Variants in AGBL1 observed in about 807,000 individuals in gnomAD.
The protein encoded by AGBL1 is cytosolic carboxypeptidase 4.
A neutral mutation model predicts 118.9 loss-of-function variants in AGBL1; 130 were observed. The observed-to-expected ratio is 1.09, with a 90% confidence interval of 0.95 to 1.26. The LOEUF (loss-of-function observed/expected upper bound fraction) is 1.26. Among genes scored for constraint, AGBL1 ranks in the 50% most tolerant of loss-of-function variants. The pLI, the probability that AGBL1 is intolerant of heterozygous loss-of-function variation, is 0.00. For missense variants in AGBL1, 1,584 were observed against 1,298.1 expected (o/e 1.22, Z -3.38); for synonymous variants, 555 against 478.9 (o/e 1.16, Z -2.08).
chr15:86,178,749 C>T (rs772554786), intron 5 of AGBL1, among the ~76,000 whole-genome samples: 6 of 152,198 alleles, frequency 3.9e-5, no homozygotes, highest in Non-Finnish European at 8.8e-5. Flanking sequence ...CAGCGTTACC[C>T]TGATACCAAA....
In AGBL1 at chr15:86,091,129, A is replaced by G. The variant is rs116937164; in HGVS notation, c.51+11106A>G. 9.7e-3 allele frequency among the ~76,000 whole-genome samples: 1,476 copies of G among 152,292 alleles called. 7 individuals are homozygous for G. The highest frequency in any genetic ancestry group is 0.015 in the Non-Finnish European group (1,037 of 68,022). On this transcript the variant is annotated intron_variant, in intron 1 of 22. Transcript: ENST00000614907. Reference sequence around the variant, plus strand: ...GGGTCAGCATCTTCTCTGTCTTGACATCAGTGCTAGGAGATTTGCCTAGCA... The same window carrying G: ...GGGTCAGCATCTTCTCTGTCTTGACGTCAGTGCTAGGAGATTTGCCTAGCA...
chr15:86,281,826 G>A (rs539455619), intron 16 of AGBL1, among the ~76,000 whole-genome samples: 5 of 152,142 alleles, frequency 3.3e-5, no homozygotes, highest in Admixed American at 6.5e-5. Flanking sequence ...ACATGCAGTC[G>A]TTTTATGAGT....
At chr15:86,599,362 G>C (rs1019486129) in intron 21 of AGBL1, among the ~76,000 whole-genome samples, 6 of 151,904 alleles carry the variant, frequency 3.9e-5, no homozygotes, top group African/African-American at 1.5e-4. Flanking sequence ...ATAAAGCCCA[G>C]GGACAAATTT....
At chr15:86,495,265 GCAAA>G (rs2142149960) in intron 18 of AGBL1, among the ~76,000 whole-genome samples, 1 of 151,012 alleles carries the variant, frequency 6.6e-6, no homozygotes, top group Non-Finnish European at 1.5e-5. Context: ...TTAATTAAAA[GCAAA>G]CAAACACACC....
At chr15:86,270,108 A>G (rs1237310732) in intron 14 of AGBL1, 41 bp downstream of exon 14, 1 of 1,579,368 alleles carries the variant, frequency 6.3e-7, no homozygotes, top group African/African-American at 1.3e-5. Flanking sequence ...GGAACATGCC[A>G]GGAATGACAT....
At chr15:86,635,804 A>G (rs1177758466) in intron 21 of AGBL1, among the ~76,000 whole-genome samples, 1 of 152,206 alleles carries the variant, frequency 6.6e-6, no homozygotes, top group African/African-American at 2.4e-5. Flanking sequence ...CATGAGATTA[A>G]AAAACATAAT....
At chr15:86,113,238 TTTTCTTTTCTTTTCTTTTCTTTC>T (rs1897524264) in intron 1 of AGBL1, among the ~76,000 whole-genome samples, 2 of 83,734 alleles carry the variant, frequency 2.4e-5, no homozygotes, top group Admixed American at 2.1e-4. Flanking sequence ...TTTTCTTTTC[TTTTCTTTTCTTTTCTTTTCTTTC>T]TTTCTTTCTT....
At chr15:86,766,251 AG>A (rs772006481) in intron 22 of AGBL1, among the ~76,000 whole-genome samples, 9 of 151,916 alleles carry the variant, frequency 5.9e-5, no homozygotes, top group Non-Finnish European at 1.2e-4. Context: ...TCTGTCTCCC[AG>A]GGTGTACCGC....
At chr15:86,172,696 T>C (rs558686035) in intron 5 of AGBL1, among the ~76,000 whole-genome samples, 4 of 152,344 alleles carry the variant, frequency 2.6e-5, no homozygotes, top group South Asian at 4.1e-4. Flanking sequence ...TGTTTAATGG[T>C]GGACTAGTAT....
At chr15:86,239,448 G>A (rs2141971858) in intron 6 of AGBL1, among the ~76,000 whole-genome samples, 1 of 152,256 alleles carries the variant, frequency 6.6e-6, no homozygotes, top group East Asian at 1.9e-4. Context: ...GCTTTTGGCT[G>A]TTCTCCTTTG....
chr15:86,817,399 G>C (rs1396695206), intron 22 of AGBL1, among the ~76,000 whole-genome samples: 1 of 151,366 alleles, frequency 6.6e-6, no homozygotes, highest in Non-Finnish European at 1.5e-5. Context: ...GAAGATGACA[G>C]CGATGTTGTG....
At chr15:86,397,007 A>G (rs1221968014) in intron 17 of AGBL1, among the ~76,000 whole-genome samples, 1 of 152,172 alleles carries the variant, frequency 6.6e-6, no homozygotes, top group African/African-American at 2.4e-5. Flanking sequence ...CTGTACCTTC[A>G]TACTTTCTTG....
rs567733106 is a variant in AGBL1 at position 86,794,989 on chromosome 15, A to G, written c.3159-112098A>G. Among the ~76,000 whole-genome samples, 29 of 152,176 alleles carry G rather than the reference A, an allele frequency of 1.9e-4. No individual in the cohort carries two copies. The East Asian group carries it at 5.4e-3, about 28-fold the overall frequency. On this transcript the variant is annotated intron_variant, in intron 22 of 22. Transcript: ENST00000614907. ...ACCAGCACCTGTCAAAAGCAAGAAA[A>G]TTGCCAAAGGGGGAAAATAAGAGAC...
chr15:86,395,240 C>T (rs1301986938), intron 17 of AGBL1, among the ~76,000 whole-genome samples: 4 of 151,996 alleles, frequency 2.6e-5, no homozygotes, highest in Non-Finnish European at 5.9e-5. Context: ...TCATCTCTAG[C>T]CCTTTGCTTG....
intron 24 of AGBL1, among the ~76,000 whole-genome samples, chr15:86,993,617 G>A (rs965263215): frequency 2.6e-5 from 4 of 152,166 alleles, no homozygotes; most frequent in Admixed American, 2.0e-4. Flanking sequence ...TGCCTTTGTT[G>A]AAGTTCAGTG....
chr15:86,903,429 C>T (rs930855745), intron 22 of AGBL1, among the ~76,000 whole-genome samples: 1 of 151,760 alleles, frequency 6.6e-6, no homozygotes, highest in African/African-American at 2.4e-5. Flanking sequence ...TCATTTGTTT[C>T]ATGTGTGTCC....
intron 24 of AGBL1, among the ~76,000 whole-genome samples, chr15:87,024,213 T>C (rs1048199900): frequency 7.2e-5 from 11 of 151,940 alleles, no homozygotes; most frequent in African/African-American, 2.4e-4. Context: ...TTTGAAAAGA[T>C]AAATGAAACT....
chr15:86,274,200 TA>T (rs2079208236), intron 15 of AGBL1, among the ~76,000 whole-genome samples: 1 of 152,226 alleles, frequency 6.6e-6, no homozygotes, highest in South Asian at 2.1e-4. Context: ...ATGCTATTTA[TA>T]GCTTAGGGCA....
chr15:86,219,344 A>G (rs973605836), intron 5 of AGBL1, among the ~76,000 whole-genome samples: 3 of 152,110 alleles, frequency 2.0e-5, no homozygotes, highest in African/African-American at 7.2e-5. Context: ...TTACGTTTGG[A>G]CCAACCTAAT....
Sources: allele counts gnomAD v4.1 joint callset (sites outside exome capture counted in the v4.1 genomes callset), GRCh38; gene constraint gnomAD v4.1.1; transcripts MANE v1.5; gene names NCBI Gene and HGNC (gene_info 2026-07-23, HGNC 2026-07-21).